Variants in AGFG1 observed in about 807,000 individuals in gnomAD.
AGFG1 encodes arf-GAP domain and FG repeat-containing protein 1.
A neutral mutation model predicts 60.6 loss-of-function variants in AGFG1; 10 were observed. That is an observed-to-expected ratio of 0.16 (90% CI 0.10 to 0.28). The LOEUF is 0.28. Among genes scored for constraint, AGFG1 ranks in the 10% least tolerant of loss-of-function variants. AGFG1 has a pLI of 1.00. For missense variants in AGFG1, 537 were observed against 676.5 expected (o/e 0.79, Z 2.29); for synonymous variants, 247 against 242.9 (o/e 1.02, Z -0.16).
chr2:227,534,776 C>T (rs1417242163), intron 7 of AGFG1, 69 bp from the exon 8 acceptor site: 4 of 1,539,344 alleles, frequency 2.6e-6, no homozygotes, highest in Non-Finnish European at 3.5e-6. Context: ...TGTTTCATGG[C>T]AAATGTGGTT....
At chr2:227,554,384 G>A (rs940294680) in intron 12 of AGFG1, 52 bp from the exon 13 acceptor site, 1 of 1,408,078 alleles carries the variant, frequency 7.1e-7, no homozygotes, top group Non-Finnish European at 9.9e-7. Context: ...TTTATATTTT[G>A]TACATGCACT....
At chr2:227,491,153 CTTA>C (rs561058708) in intron 1 of AGFG1, among the ~76,000 whole-genome samples, 36 of 152,172 alleles carry the variant, frequency 2.4e-4, no homozygotes, top group East Asian at 1.2e-3. Flanking sequence ...TAGCTCTGGT[CTTA>C]TTATATCATT....
intron 2 of AGFG1, among the ~76,000 whole-genome samples, chr2:227,515,623 A>G (rs1691627469): frequency 6.6e-6 from 1 of 152,072 alleles, no homozygotes; most frequent in Non-Finnish European, 1.5e-5. Flanking sequence ...GATTAAACCA[A>G]TATTCTACCT....
At chr2:227,530,446 T>G (rs1692124781) in intron 5 of AGFG1, among the ~76,000 whole-genome samples, 1 of 152,160 alleles carries the variant, frequency 6.6e-6, no homozygotes, top group African/African-American at 2.4e-5. Flanking sequence ...CTATTAATGT[T>G]TGGGGCTCTG....
intron 1 of AGFG1, among the ~76,000 whole-genome samples, chr2:227,488,728 T>C (rs1284189856): frequency 6.6e-6 from 1 of 152,266 alleles, no homozygotes; most frequent in Non-Finnish European, 1.5e-5. Context: ...ATTAGTGTTC[T>C]CATAATACTG....
chr2:227,480,729 C>T (rs1019949438), intron 1 of AGFG1, among the ~76,000 whole-genome samples: 1 of 152,144 alleles, frequency 6.6e-6, no homozygotes, highest in African/African-American at 2.4e-5. Flanking sequence ...TCACTTGTAA[C>T]CTATGTTAGA....
intron 10 of AGFG1, among the ~76,000 whole-genome samples, chr2:227,548,560 T>C (rs1034516033): frequency 2.6e-5 from 4 of 152,214 alleles, no homozygotes; most frequent in Non-Finnish European, 4.4e-5. Flanking sequence ...TATGTCTAAA[T>C]ACATATGAGA....
At chr2:227,512,864 T>C (rs1691537242) in intron 2 of AGFG1, among the ~76,000 whole-genome samples, 1 of 152,140 alleles carries the variant, frequency 6.6e-6, no homozygotes, top group Non-Finnish European at 1.5e-5. Context: ...TCTCTACTAA[T>C]AGAGAAAGGA....
chr2:227,490,316 C>T (rs910894043), intron 1 of AGFG1, among the ~76,000 whole-genome samples: 6 of 152,084 alleles, frequency 3.9e-5, no homozygotes, highest in African/African-American at 4.8e-5. Context: ...TGGTCGCTCA[C>T]GCCTGTAATC....
chr2:227,523,943 C>A lies in AGFG1; in HGVS notation c.540+18C>A. ...CTAGTCAGGTGAGTAGTCTTTGAAT[C>A]TTTGTAGGGAATTCGACTTAAAGAG... On this transcript the variant is annotated intron_variant, in intron 4 of 12. Coordinates refer to ENST00000310078, the MANE Select transcript of AGFG1 (RefSeq NM_004504.5). The A allele has an allele frequency of 6.3e-7, 1 of 1,592,522 alleles. No homozygotes were observed. The highest frequency in any genetic ancestry group is 1.3e-5 in the African/African-American group (1 of 74,462).
chr2:227,548,811 C>T (rs1692730886), intron 10 of AGFG1, among the ~76,000 whole-genome samples: 1 of 152,136 alleles, frequency 6.6e-6, no homozygotes, highest in Non-Finnish European at 1.5e-5. Flanking sequence ...GTGGTGGGCA[C>T]CTGTAGTCCC....
intron 1 of AGFG1, among the ~76,000 whole-genome samples, chr2:227,487,614 T>A (rs1000401476): frequency 6.6e-6 from 1 of 152,078 alleles, no homozygotes; most frequent in Non-Finnish European, 1.5e-5. Context: ...ATTCTTTTTT[T>A]AGAATTGATT....
At chr2:227,508,563 C>T (rs1691395902) in intron 2 of AGFG1, 1 of 465,764 alleles carries the variant, frequency 2.1e-6, no homozygotes, top group Non-Finnish European at 4.4e-6. Context: ...AAGAACACAC[C>T]TTTGGTTAAT....
At chr2:227,494,581 T>C (rs1690921154) in intron 2 of AGFG1, among the ~76,000 whole-genome samples, 1 of 152,208 alleles carries the variant, frequency 6.6e-6, no homozygotes, top group Non-Finnish European at 1.5e-5. Context: ...TTGGTTGTTG[T>C]CACTATTGGA....
At chr2:227,531,332 T>C (rs113523251) in intron 6 of AGFG1, 122 bp downstream of exon 6, 1 of 1,183,874 alleles carries the variant, frequency 8.4e-7, no homozygotes, top group Non-Finnish European at 1.2e-6. Context: ...AATGGTTCTA[T>C]CTTCAAAAGC....
At chr2:227,526,070 T>G (rs1288303913) in intron 5 of AGFG1, among the ~76,000 whole-genome samples, 1 of 152,222 alleles carries the variant, frequency 6.6e-6, no homozygotes, top group Non-Finnish European at 1.5e-5. Flanking sequence ...TTTAGTATCA[T>G]TATGACTTCA....
intron 5 of AGFG1, among the ~76,000 whole-genome samples, chr2:227,525,682 C>T (rs186341232): frequency 6.6e-6 from 1 of 152,288 alleles, no homozygotes; most frequent in Non-Finnish European, 1.5e-5. Flanking sequence ...TTGATTGCAC[C>T]ACTATGGTGC....
rs1394073863 is a variant in AGFG1 at position 227,519,999 on chromosome 2, C to T, written c.313C>T (p.Pro105Ser). The change falls in exon 3 of 13, where the codon CCA (proline) becomes TCA (serine). Residue 105 changes from proline (P) to serine (S), a missense_variant. Coordinates refer to ENST00000310078, the MANE Select transcript of AGFG1 (RefSeq NM_004504.5). ...GLFDDRSSAI[P>S]DFRDPQKVKE... The stretch of plus-strand genomic sequence containing the variant: ...ATTTGATGATAGATCTTCAGCAATT[C>T]CAGACTTCAGGGATCCACAAAAAGT... The T allele has an allele frequency of 6.3e-7, 1 of 1,584,724 alleles. No homozygotes were observed. The highest frequency in any genetic ancestry group is 1.4e-5 in the African/African-American group (1 of 72,154).
At position 227,536,626 on chromosome 2, in the gene AGFG1, A is replaced by C. The variant is rs750393121; in HGVS notation, c.1207A>C (p.Asn403His). 5 of 1,612,980 alleles carry C rather than the reference A, an allele frequency of 3.1e-6. No homozygotes were observed. Among genetic ancestry groups the C allele is most frequent in the Non-Finnish European group, 4.2e-6 (5 of 1,179,418 alleles). Residue 403 changes from asparagine (N) to histidine (H), a missense_variant and splice_region_variant, in exon 9 of 13, where the codon AAT becomes CAT. By Grantham distance (68) the Asn-to-His change is moderately conservative (BLOSUM62 1). Around this residue, in one of 4 missense-constraint regions of AGFG1, gnomAD observed 287 missense variants for 343.6 expected, o/e 0.84. Transcript: ENST00000310078. ...AACTCTTTCAATATTTGTTCTCAGCAATGTTTTTGGAACAGTGCCAGTGGT... is the reference window on the plus strand; with the variant it reads ...AACTCTTTCAATATTTGTTCTCAGCCATGTTTTTGGAACAGTGCCAGTGGT... Reference protein sequence around the residue: ...AYTSTSNASSNVFGTVPVVAS... With the variant: ...AYTSTSNASSHVFGTVPVVAS...
Sources: allele counts gnomAD v4.1 joint callset (sites outside exome capture counted in the v4.1 genomes callset), GRCh38; gene constraint gnomAD v4.1.1; regional missense constraint gnomAD v4.1.1; transcripts MANE v1.5; gene names NCBI Gene and HGNC (gene_info 2026-07-23, HGNC 2026-07-21).